IYD: variants seen among roughly 807,000 people sequenced by gnomAD.
IYD encodes iodotyrosine deiodinase.
A neutral mutation model predicts 28.4 loss-of-function variants in IYD; 25 were observed. That is an observed-to-expected ratio of 0.88 (90% CI 0.64 to 1.23). The LOEUF is 1.23. Among genes scored for constraint, IYD ranks in the 50% most tolerant of loss-of-function variants. The pLI, the probability that IYD is intolerant of heterozygous loss-of-function variation, is 0.00. For missense variants in IYD, 352 were observed against 357.9 expected, an observed-to-expected ratio of 0.98 and a Z score of 0.13; for synonymous variants, 140 against 130.8, an observed-to-expected ratio of 1.07 and a Z score of -0.48.
intron 3 of IYD, 98 bp downstream of exon 3, chr6:150,392,602 C>A: frequency 1.6e-6 from 2 of 1,281,660 alleles, no homozygotes; most frequent in Non-Finnish European, 2.2e-6. Context: ...CGTGAAAAAG[C>A]TTGATTCTAT....
intron 1 of IYD, among the ~76,000 whole-genome samples, chr6:150,388,667 C>CTTTCTTTCTTTCTTTCTTTCTTTCTTTT (rs1554231506): frequency 7.4e-6 from 1 of 135,938 alleles, no homozygotes; most frequent in African/African-American, 2.7e-5. Context: ...TTCTTTCTTT[C>CTTTCTTTCTTTCTTTCTTTCTTTCTTTT]TTTCTTTCTT....
In IYD at chr6:150,369,326, A is replaced by G. The variant is rs1369753691; in HGVS notation, c.178+117A>G. On this transcript the variant is annotated intron_variant, in intron 1 of 4. Transcript: ENST00000344419. ...CACACACAGGCCAGCTTCAACATCA[A>G]CCTCTATTGTGCTAATGAATCAGTG... The G allele has an allele frequency of 3.2e-6, 3 of 944,980 alleles. No homozygotes were observed. The African/African-American group carries it at 4.8e-5, about 15-fold the overall frequency. The allele number at this position is 944,980 out of a possible 1,614,324, so 58.5% of individuals were successfully genotyped here. A position where few individuals can be genotyped will look rare whatever the true frequency, so the allele number is the denominator to read the frequency against.
At position 150,404,861 on chromosome 6, in the gene IYD, G is replaced by A. The variant is rs1778604266; in HGVS notation, c.*6624G>A. 6.6e-6 allele frequency: 1 copy of A among 152,186 alleles called. No individual in the cohort carries two copies. The highest frequency in any genetic ancestry group is 2.4e-5 in the African/African-American group (1 of 41,450). 9.4% of individuals were successfully genotyped at this position (152,186 alleles called of 1,614,324 possible). A position where few individuals can be genotyped will look rare whatever the true frequency, so the allele number is the denominator to read the frequency against. On this transcript the variant is annotated 3_prime_UTR_variant, in exon 5 of 5. Transcript: ENST00000344419. ...TTTTTCCCTCCTAGTGAGAAGTCTG[G>A]AGGTAGATATTAGATGCTGGTCTAT... is the stretch of plus-strand genomic sequence containing the variant.
chr6:150,374,682 C>T (rs1057186763), intron 1 of IYD, among the ~76,000 whole-genome samples: 1 of 152,200 alleles, frequency 6.6e-6, no homozygotes, highest in Non-Finnish European at 1.5e-5. Flanking sequence ...CCTCCCACAA[C>T]ACATGGGAAT....
Position 150,398,756 on chromosome 6 carries a change from ACATGGC to A in IYD, c.*522_*527del, listed in dbSNP as rs1778418807. 6.4e-6 allele frequency: 1 copy of A among 155,622 alleles called. No homozygotes were observed. Among genetic ancestry groups the A allele is most frequent in the Non-Finnish European group, 1.4e-5 (1 of 70,354 alleles). 9.6% of individuals were successfully genotyped at this position (155,622 alleles called of 1,614,324 possible). Reference sequence around the variant, plus strand: ...ATAAGTAACCATCAAAGTTACTAAAACATGGCCAGGCGCAGTGGCTCATGCCTGTAA... The same window carrying A: ...ATAAGTAACCATCAAAGTTACTAAAACAGGCGCAGTGGCTCATGCCTGTAA... On this transcript the variant is annotated 3_prime_UTR_variant, in exon 5 of 5. Coordinates refer to ENST00000344419, the MANE Select transcript of IYD (RefSeq NM_203395.3).
At chr6:150,372,399 C>G (rs62432481) in intron 1 of IYD, among the ~76,000 whole-genome samples, 1,913 of 21,940 alleles carry the variant, frequency 0.087, 486 homozygotes, top group African/African-American at 0.34. Flanking sequence ...GTGGGGAGTG[C>G]TGAGGGGTCA....
chr6:150,392,733 C>A (rs987841142), intron 3 of IYD, among the ~76,000 whole-genome samples: 1 of 152,216 alleles, frequency 6.6e-6, no homozygotes, highest in African/African-American at 2.4e-5. Context: ...GGAATTACTT[C>A]ACTTTTCACT....
chr6:150,389,577 T>G (rs762756360), intron 2 of IYD, 34 bp downstream of exon 2: 1 of 1,559,228 alleles, frequency 6.4e-7, no homozygotes, highest in Admixed American at 1.7e-5. Context: ...TTGGAAATGT[T>G]AGTCACCTTA....
chr6:150,375,708 G>A (rs1777421817), intron 1 of IYD, among the ~76,000 whole-genome samples: 1 of 152,158 alleles, frequency 6.6e-6, no homozygotes, highest in Admixed American at 6.5e-5. Context: ...ATGACTGAGA[G>A]GCCCAGGTAG....
chr6:150,381,439 CCTT>C (rs1239116323), intron 1 of IYD, among the ~76,000 whole-genome samples: 2 of 152,118 alleles, frequency 1.3e-5, no homozygotes, highest in African/African-American at 4.8e-5. Flanking sequence ...ATCTCTATGG[CCTT>C]CTTCTCATTG....
chr6:150,369,308 A>G (rs1777135878), intron 1 of IYD, 99 bp downstream of exon 1: 3 of 1,172,116 alleles, frequency 2.6e-6, no homozygotes, highest in Non-Finnish European at 3.7e-6. Context: ...AAACACACAC[A>G]GGCCAGCTTC....
At position 150,399,852 on chromosome 6, in the gene IYD, G is replaced by A. The variant is rs599339; in HGVS notation, c.*1615G>A. The A allele has an allele frequency of 0.99, 150,427 of 152,222 alleles. 74,328 individuals carry two copies. Among genetic ancestry groups the A allele is most frequent in the East Asian group, 1 (5,118 of 5,120 alleles). 9.4% of individuals were successfully genotyped at this position (152,222 alleles called of 1,614,324 possible). On this transcript the variant is annotated 3_prime_UTR_variant, in exon 5 of 5. Transcript: ENST00000344419. ...GGTACTAATCCCATCATGAGGCCCCGTCCTTATGACCTCATCACCTCCCAA... is the reference window on the plus strand; with the variant it reads ...GGTACTAATCCCATCATGAGGCCCCATCCTTATGACCTCATCACCTCCCAA...
chr6:150,371,772 T>G (rs1199505591), intron 1 of IYD, among the ~76,000 whole-genome samples: 1 of 152,182 alleles, frequency 6.6e-6, no homozygotes, highest in Non-Finnish European at 1.5e-5. Context: ...ACAGATCTCT[T>G]GTATGGGGAT....
chr6:150,385,150 C>T (rs1777813985), intron 1 of IYD: 1 of 152,162 alleles, frequency 6.6e-6, no homozygotes, highest in African/African-American at 2.4e-5. Context: ...GTTCTTTTCT[C>T]ATGTTTAATC....
chr6:150,397,230 A>G (rs1778355425), intron 4 of IYD, among the ~76,000 whole-genome samples: 1 of 152,182 alleles, frequency 6.6e-6, no homozygotes, highest in South Asian at 2.1e-4. Flanking sequence ...TTGATAACAA[A>G]TCATAGATTC....
chr6:150,389,444 C>G lies in IYD; in HGVS notation c.271C>G (p.Gln91Glu). ...YPEKEMVKRS[Q>E]EFYELLNKRR... ...TGAGAAGGAAATGGTTAAGAGGTCT[C>G]AGGAATTTTATGAACTTCTCAATAA... Residue 91 changes from glutamine (Q) to glutamate (E), a missense_variant, in exon 2 of 5, where the codon CAG becomes GAG. By Grantham distance (29) the Gln-to-Glu change is conservative. Transcript: ENST00000344419. 6.2e-7 allele frequency: 1 copy of G among 1,613,846 alleles called. No individual in the cohort carries two copies. Among genetic ancestry groups the G allele is most frequent in the Non-Finnish European group, 8.5e-7 (1 of 1,179,778 alleles).
In IYD at chr6:150,405,415, C is replaced by T. The variant is rs189424804; in HGVS notation, c.*7178C>T. 7.2e-3 allele frequency: 1,095 copies of T among 152,310 alleles called. 11 individuals are homozygous for T. Among genetic ancestry groups the T allele is most frequent in the Middle Eastern group, 0.013 (4 of 298 alleles). The allele number at this position is 152,310 out of a possible 1,614,324, so 9.4% of individuals were successfully genotyped here. The stretch of plus-strand genomic sequence containing the variant: ...ACTTTTTGGGATGGAGCCTCAAATC[C>T]AGAAATCTTCTGTATTAGTCCATTC... On this transcript the variant is annotated 3_prime_UTR_variant, in exon 5 of 5. Coordinates refer to ENST00000344419, the MANE Select transcript of IYD (RefSeq NM_203395.3).
rs563592613 is a variant in IYD, at chr6:150,399,342, G to A, written c.*1105G>A. The stretch of plus-strand genomic sequence containing the variant: ...CTGCTTACCATACATAGCACCCACA[G>A]TGTCTCCCTTCTCTTCTACCCCAAC... On this transcript the variant is annotated 3_prime_UTR_variant, in exon 5 of 5. Coordinates refer to ENST00000344419, the MANE Select transcript of IYD (RefSeq NM_203395.3). 6.6e-6 allele frequency: 1 copy of A among 152,312 alleles called. No homozygotes were observed. The highest frequency in any genetic ancestry group is 2.4e-5 in the African/African-American group (1 of 41,550). The allele number at this position is 152,312 out of a possible 1,614,324, so 9.4% of individuals were successfully genotyped here.
intron 1 of IYD, among the ~76,000 whole-genome samples, chr6:150,388,986 G>A (rs1269433426): frequency 6.6e-6 from 1 of 152,124 alleles, no homozygotes; most frequent in African/African-American, 2.4e-5. Flanking sequence ...ATAGGCGTAA[G>A]CCACCACGCC....
Sources: gnomAD v4.1 joint callset for allele counts (sites outside exome capture counted in the v4.1 genomes callset) on GRCh38, gnomAD v4.1.1 for gene constraint, MANE v1.5 for transcripts, NCBI Gene and HGNC (gene_info 2026-07-23, HGNC 2026-07-21) for gene names.